The following SBNO1 variants were observed in gnomAD, a reference collection of about 807,000 sequenced individuals.
SBNO1 encodes the protein strawberry notch homolog 1, also known as protein strawberry notch homolog 1.
Under a neutral mutation model 173.6 loss-of-function variants are expected in SBNO1, and 23 were observed. The observed-to-expected ratio is 0.13, with a 90% CI of 0.10 to 0.19. The LOEUF is 0.19. SBNO1 is among the 10% of genes least tolerant of loss of function. The pLI, the probability that SBNO1 is intolerant of heterozygous loss-of-function variation, is 1.00. For missense variants in SBNO1, 1,238 were observed against 1,671.2 expected (o/e 0.74, Z 4.52); for synonymous variants, 632 against 571.5 (o/e 1.11, Z -1.51).
Position 123,327,755 on chromosome 12 carries a change from C to A in SBNO1, c.1490G>T (p.Gly497Val). The A allele has an allele frequency of 1.2e-6, 2 of 1,613,778 alleles. No individual in the cohort carries two copies. The highest frequency in any genetic ancestry group is 1.7e-6 in the Non-Finnish European group (2 of 1,179,868). Residue 497 changes from glycine to valine, a missense_variant, in exon 12 of 32, where the codon GGT becomes GTT. This residue lies in a region of SBNO1 where 182 missense variants were observed against 339.9 expected (regional missense o/e 0.54). Coordinates refer to ENST00000602398, the MANE Select transcript of SBNO1 (RefSeq NM_001167856.3). ...YMNRLGIWGE[G>V]TPFREFSDFI... Reference sequence around the variant, plus strand: ...ATCACTGAATTCTCTAAATGGAGTACCCTCACCCCATATGCCAAGACGGTT... The same window carrying A: ...ATCACTGAATTCTCTAAATGGAGTAACCTCACCCCATATGCCAAGACGGTT...
chr12:123,327,524 T>C lies in SBNO1; in HGVS notation c.1594A>G (p.Ile532Val), dbSNP rs1870744804. The change falls in exon 13 of 32, where the codon ATT becomes GTT. Residue 532 changes from isoleucine to valine, a missense_variant. Physicochemically the swap from Ile to Val is conservative, Grantham distance 29. Transcript: ENST00000602398. The stretch of plus-strand genomic sequence containing the variant: ...CCAGTAAAGCTCAGTTGTCGAGCAA[T>C]GTACATTCCTCTAAGCTTCATATCC... ...AMDMKLRGMY[I>V]ARQLSFTGVT... 2 of 1,613,980 alleles carry C rather than the reference T, an allele frequency of 1.2e-6. No individual in the cohort carries two copies. Among genetic ancestry groups the C allele is most frequent in the Non-Finnish European group, 1.7e-6 (2 of 1,179,896 alleles).
At position 123,316,187 on chromosome 12, in the gene SBNO1, C is replaced by T. The variant is rs888594872; in HGVS notation, c.2936-527G>A. On this transcript the variant is annotated intron_variant, in intron 21 of 31. Coordinates refer to ENST00000602398, the MANE Select transcript of SBNO1 (RefSeq NM_001167856.3). ...GTATATATATAACACTCCTTAAATG[C>T]AAGATCTGAGATTTCGAGATAAGAT... is the stretch of plus-strand genomic sequence containing the variant. 3.3e-5 allele frequency among the ~76,000 whole-genome samples: 5 copies of T among 152,084 alleles called. No individual in the cohort carries two copies. The South Asian group carries it at 6.2e-4, about 19-fold the overall frequency.
At position 123,350,323 on chromosome 12, in the gene SBNO1, G is replaced by A. The variant is rs114977121; in HGVS notation, c.119C>T (p.Pro40Leu). ...DAGLATPMPT[P>L]SVQQSVPLSA... ...GAAAACTCTTACCTGCTGAACTGACGGGGTAGGCATTGGAGTTGCAAGCCC... is the reference window on the plus strand; with the variant it reads ...GAAAACTCTTACCTGCTGAACTGACAGGGTAGGCATTGGAGTTGCAAGCCC... Residue 40 changes from proline to leucine, a missense_variant, in exon 2 of 32, where the codon CCG (proline) becomes CTG (leucine). By Grantham distance (98) the Pro-to-Leu change is moderately conservative. Coordinates refer to ENST00000602398, the MANE Select transcript of SBNO1 (RefSeq NM_001167856.3). 550 of 1,614,064 alleles carry A rather than the reference G, an allele frequency of 3.4e-4. 2 individuals carry two copies. In the East Asian group the frequency reaches 9.6e-3, roughly 28 times the overall value.
chr12:123,331,783 G>A (rs940001156), intron 7 of SBNO1, among the ~76,000 whole-genome samples: 1 of 152,150 alleles, frequency 6.6e-6, no homozygotes, highest in Non-Finnish European at 1.5e-5. Context: ...GCCTCCCAAA[G>A]TGCTGGGATT....
intron 1 of SBNO1, among the ~76,000 whole-genome samples, chr12:123,361,725 A>G (rs1875207807): frequency 3.9e-5 from 2 of 50,740 alleles, no homozygotes; most frequent in African/African-American, 1.7e-4. Context: ...AGAGCAAGAC[A>G]GTCTAAAAAA....
intron 1 of SBNO1, among the ~76,000 whole-genome samples, chr12:123,360,468 A>G (rs1875012118): frequency 1.3e-5 from 2 of 151,958 alleles, no homozygotes; most frequent in African/African-American, 2.4e-5. Context: ...CTTTTGAGAC[A>G]GAGTCTCGCT....
At chr12:123,333,300 C>A (rs558615652) in intron 7 of SBNO1, among the ~76,000 whole-genome samples, 69 of 152,050 alleles carry the variant, frequency 4.5e-4, no homozygotes, top group African/African-American at 1.5e-3. Flanking sequence ...TACCTCACAT[C>A]ATTTTAAAAG....
intron 2 of SBNO1, among the ~76,000 whole-genome samples, chr12:123,349,375 T>G (rs985418247): frequency 2.0e-5 from 3 of 152,140 alleles, no homozygotes; most frequent in African/African-American, 7.2e-5. Context: ...GTGCTGGGAT[T>G]ACTGGCATGA....
At position 123,295,358 on chromosome 12, in the gene SBNO1, C is replaced by T. The variant is rs757125938; in HGVS notation, c.*550G>A. Reference sequence around the variant, plus strand: ...CTTCCAAAGACATGCACTGTCAGAACAAAAATTAGAAAATAACCTGAATGC... The same window carrying T: ...CTTCCAAAGACATGCACTGTCAGAATAAAAATTAGAAAATAACCTGAATGC... On this transcript the variant is annotated 3_prime_UTR_variant, in exon 32 of 32. Transcript: ENST00000602398. 1.3e-5 allele frequency: 2 copies of T among 152,156 alleles called. No individual in the cohort carries two copies. Among genetic ancestry groups the T allele is most frequent in the African/African-American group, 2.4e-5 (1 of 41,426 alleles). The allele number at this position is 152,156 out of a possible 1,614,324, so 9.4% of individuals were successfully genotyped here.
At chr12:123,334,307 A>T in intron 6 of SBNO1, 94 bp from the exon 7 acceptor site, 1 of 746,040 alleles carries the variant, frequency 1.3e-6, no homozygotes, top group Non-Finnish European at 2.1e-6. Context: ...TTCTTATAAC[A>T]TAGAAAAATA....
At chr12:123,313,251 A>ATT (rs1414983361) in intron 24 of SBNO1, among the ~76,000 whole-genome samples, 2 of 145,730 alleles carry the variant, frequency 1.4e-5, no homozygotes, top group Non-Finnish European at 3.0e-5. Context: ...TAAATAAATA[A>ATT]ATAATTTTTA....
In SBNO1 at chr12:123,350,306, T is replaced by C; in HGVS notation, c.132+4A>G. ...AAGAAAGAGAGGCTTTGGAAAACTC[T>C]TACCTGCTGAACTGACGGGGTAGGC... On this transcript the variant is annotated splice_donor_region_variant and intron_variant, in intron 2 of 31. Transcript: ENST00000602398. 1 of 1,613,454 alleles carries C rather than the reference T, an allele frequency of 6.2e-7. No homozygotes were observed. Among genetic ancestry groups the C allele is most frequent in the Non-Finnish European group, 8.5e-7 (1 of 1,179,832 alleles).
chr12:123,328,934 C>A, intron 9 of SBNO1, 39 bp from the exon 10 acceptor site: 1 of 1,259,738 alleles, frequency 7.9e-7, no homozygotes, highest in Non-Finnish European at 1.1e-6. Flanking sequence ...AATTAGTATA[C>A]CTTTCTCTCT....
chr12:123,317,496 C>T (rs1869420615), intron 20 of SBNO1, 140 bp from the exon 21 acceptor site: 4 of 741,826 alleles, frequency 5.4e-6, no homozygotes, highest in Non-Finnish European at 6.5e-6. Flanking sequence ...TTCCCAGTCT[C>T]CCTTACGGCT....
chr12:123,338,668 G>A (rs1872147918), intron 5 of SBNO1, among the ~76,000 whole-genome samples: 1 of 152,182 alleles, frequency 6.6e-6, no homozygotes, highest in Middle Eastern at 3.4e-3. Flanking sequence ...CTGTGACAGA[G>A]CGAGACTCCA....
intron 1 of SBNO1, among the ~76,000 whole-genome samples, chr12:123,356,645 T>C (rs548255285): frequency 6.6e-6 from 1 of 152,338 alleles, no homozygotes; most frequent in Admixed American, 6.5e-5. Flanking sequence ...GGTTTTACCA[T>C]GTTGGCAAGG....
At chr12:123,299,376 C>T (rs555214102) in intron 30 of SBNO1, among the ~76,000 whole-genome samples, 2 of 146,852 alleles carry the variant, frequency 1.4e-5, no homozygotes, top group African/African-American at 5.0e-5. Flanking sequence ...TCAAAAAAAA[C>T]GAAACAAAAC....
At chr12:123,361,346 C>G (rs1875138656) in intron 1 of SBNO1, among the ~76,000 whole-genome samples, 1 of 151,728 alleles carries the variant, frequency 6.6e-6, no homozygotes, top group Non-Finnish European at 1.5e-5. Context: ...GTCGGGAGTT[C>G]AAGAACAGCC....
rs756288823 is a variant in SBNO1 at position 123,330,428 on chromosome 12, C to T, written c.1125G>A (p.Ser375=). ...TAAAAAGATTTCATACCTTATTTAA[C>T]GAATGAACCAAAATGTTTTTTGCTC... ...DIGAKNILVH[S]LNKFKYGKIS... is the part of the protein sequence containing the mutation. Residue 375 remains serine (S), a synonymous_variant, in exon 9 of 32, where the codon TCG becomes TCA. Coordinates refer to ENST00000602398, the MANE Select transcript of SBNO1 (RefSeq NM_001167856.3). 7 of 1,567,392 alleles carry T rather than the reference C, an allele frequency of 4.5e-6. No homozygotes were observed. Among genetic ancestry groups the T allele is most frequent in the Admixed American group, 3.4e-5 (2 of 58,418 alleles).
Sources: allele counts gnomAD v4.1 joint callset (sites outside exome capture counted in the v4.1 genomes callset), GRCh38; gene constraint gnomAD v4.1.1; regional missense constraint gnomAD v4.1.1; transcripts MANE v1.5; gene names NCBI Gene and HGNC (gene_info 2026-07-23, HGNC 2026-07-21).